MTX2: variants seen among roughly 807,000 people sequenced by gnomAD.
MTX2 encodes metaxin 2.
A neutral mutation model predicts 42.3 loss-of-function variants in MTX2; 35 were observed. The observed-to-expected ratio is 0.83, with a 90% CI of 0.63 to 1.10. MTX2 has a LOEUF of 1.10. MTX2 is among the 50% of genes least tolerant of loss of function. The pLI, the probability that MTX2 is intolerant of heterozygous loss-of-function variation, is 0.00. For missense variants in MTX2, 307 were observed against 304.1 expected (o/e 1.01, Z -0.07); for synonymous variants, 119 against 100.9 (o/e 1.18, Z -1.08).
intron 4 of MTX2, among the ~76,000 whole-genome samples, chr2:176,326,621 T>G (rs962005912): frequency 6.6e-6 from 1 of 151,596 alleles, no homozygotes; most frequent in Admixed American, 6.6e-5. Flanking sequence ...TGAATTTACC[T>G]GTTCTTTTTT....
At chr2:176,298,041 A>G in intron 3 of MTX2, 146 bp downstream of exon 3, 1 of 437,144 alleles carries the variant, frequency 2.3e-6, no homozygotes, top group Non-Finnish European at 4.1e-6. Context: ...TCTATATAAC[A>G]TTGCTTCTTT....
At position 176,296,828 on chromosome 2, in the gene MTX2, TG is replaced by T. The variant is rs766413567; in HGVS notation, c.41-31del. 3.1e-6 allele frequency: 5 copies of T among 1,610,324 alleles called. 1 individual carries two copies. The Admixed American group carries it at 5.0e-5, about 16-fold the overall frequency. On this transcript the variant is annotated intron_variant, in intron 1 of 9. Coordinates refer to ENST00000249442, the MANE Select transcript of MTX2 (RefSeq NM_006554.5). The stretch of plus-strand genomic sequence containing the variant: ...TTGTTATTGATATGTTTTTGCTTTA[TG>T]TGCCTAATTATCACTGCCTTGTTTC...
chr2:176,325,266 A>G (rs1192512033), intron 4 of MTX2, among the ~76,000 whole-genome samples: 3 of 151,760 alleles, frequency 2.0e-5, no homozygotes, highest in African/African-American at 7.2e-5. Flanking sequence ...CAAAGCCCTC[A>G]GTTTTCTTAT....
At chr2:176,317,476 A>G (rs2105434385) in intron 3 of MTX2, among the ~76,000 whole-genome samples, 1 of 152,264 alleles carries the variant, frequency 6.6e-6, no homozygotes, top group Non-Finnish European at 1.5e-5. Flanking sequence ...TTCCTCAAGT[A>G]TCTATTGATC....
chr2:176,275,043 CGT>C (rs1388782249), intron 1 of MTX2, among the ~76,000 whole-genome samples: 1 of 152,116 alleles, frequency 6.6e-6, no homozygotes, highest in African/African-American at 2.4e-5. Context: ...AGCCATCACA[CGT>C]GTGTGTGATT....
intron 3 of MTX2, among the ~76,000 whole-genome samples, chr2:176,309,850 CTT>C (rs1374593051): frequency 1.3e-5 from 2 of 151,052 alleles, no homozygotes; most frequent in Non-Finnish European, 2.9e-5. Context: ...GGTCTTGACT[CTT>C]TATCCAATTT....
At chr2:176,315,532 C>G (rs770041289) in intron 3 of MTX2, among the ~76,000 whole-genome samples, 1 of 152,148 alleles carries the variant, frequency 6.6e-6, no homozygotes, top group South Asian at 2.1e-4. Context: ...GTTCTGCTCT[C>G]AACAGTCTAA....
chr2:176,321,581 A>G (rs563782738), intron 3 of MTX2, among the ~76,000 whole-genome samples: 1 of 152,250 alleles, frequency 6.6e-6, no homozygotes, highest in African/African-American at 2.4e-5. Context: ...TTGTTGCTCT[A>G]CCATTTCTAA....
chr2:176,269,928 T>C (rs1169605484), intron 1 of MTX2, among the ~76,000 whole-genome samples: 2 of 151,886 alleles, frequency 1.3e-5, no homozygotes, highest in African/African-American at 2.4e-5. Flanking sequence ...CCCCATTCAG[T>C]TGGGAGGTGC....
chr2:176,269,656 C>T lies in MTX2; in HGVS notation c.27C>T (p.Val9=), dbSNP rs759881189. 3.8e-6 allele frequency: 6 copies of T among 1,598,254 alleles called. No homozygotes were observed. The part of the protein sequence containing the change: MSLVAEAF[V]SQIAAAEPWP... ...TGTCTCTAGTGGCGGAAGCCTTCGT[C>T]TCCCAGATTGCAGGTAGCGCGGCTG... The change falls in exon 1 of 10, where the codon GTC becomes GTT. Residue 9 remains valine, a synonymous_variant. Coordinates refer to ENST00000249442, the MANE Select transcript of MTX2 (RefSeq NM_006554.5).
rs1329830948 is a variant in MTX2 at position 176,274,626 on chromosome 2, G to GT, written c.40+4958dup. On this transcript the variant is annotated intron_variant, in intron 1 of 9. Transcript: ENST00000249442. Reference sequence around the variant, plus strand: ...GGCTCTTAATGTGGAGGCTGGCAAAGTAAGTGCAAAGCATGCAAGGCGGGC... The same window carrying GT: ...GGCTCTTAATGTGGAGGCTGGCAAAGTTAAGTGCAAAGCATGCAAGGCGGGC... Among the ~76,000 whole-genome samples, 38 of 152,162 alleles carry GT rather than the reference G, an allele frequency of 2.5e-4. 1 individual carries two copies. Among genetic ancestry groups the GT allele is most frequent in the Admixed American group, 2.5e-3 (38 of 15,284 alleles).
At chr2:176,331,013 A>G (rs1684850379) in intron 9 of MTX2, among the ~76,000 whole-genome samples, 1 of 151,102 alleles carries the variant, frequency 6.6e-6, no homozygotes, top group Admixed American at 6.6e-5. Flanking sequence ...GTTACTATTA[A>G]TGTAACTATG....
chr2:176,290,677 C>G (rs960923370), intron 1 of MTX2, among the ~76,000 whole-genome samples: 6 of 151,460 alleles, frequency 4.0e-5, no homozygotes, highest in African/African-American at 9.7e-5. Flanking sequence ...AGAATGATAC[C>G]TACATGGTTG....
intron 9 of MTX2, among the ~76,000 whole-genome samples, chr2:176,333,491 C>T (rs1377897186): frequency 1.3e-5 from 2 of 151,588 alleles, no homozygotes; most frequent in African/African-American, 4.8e-5. Context: ...GTGTAACTGT[C>T]ACCTATCAAC....
At chr2:176,325,276 T>C (rs954355313) in intron 4 of MTX2, among the ~76,000 whole-genome samples, 5 of 151,914 alleles carry the variant, frequency 3.3e-5, no homozygotes, top group Admixed American at 2.6e-4. Context: ...AGTTTTCTTA[T>C]ATGACCTTTG....
At chr2:176,326,600 A>G (rs1684712683) in intron 4 of MTX2, among the ~76,000 whole-genome samples, 1 of 151,542 alleles carries the variant, frequency 6.6e-6, no homozygotes, top group African/African-American at 2.4e-5. Context: ...TCTAAGTGAG[A>G]ACTCTAGAAA....
intron 1 of MTX2, among the ~76,000 whole-genome samples, chr2:176,281,750 G>A (rs536922580): frequency 6.6e-6 from 1 of 152,244 alleles, no homozygotes; most frequent in African/African-American, 2.4e-5. Flanking sequence ...TGACTGAATA[G>A]AGGTTCTAAA....
Position 176,337,533 on chromosome 2 carries a change from AC to A in MTX2, c.663del (p.Ile222PhefsTer6). 1 of 1,612,836 alleles carries A rather than the reference AC, an allele frequency of 6.2e-7. No individual in the cohort carries two copies. The highest frequency in any genetic ancestry group is 2.2e-5 in the East Asian group (1 of 44,832). The stretch of plus-strand genomic sequence containing the variant: ...CGCACTGGTATTTGGCCATCTATAC[AC>A]CATTCTTACCACACAATTGACAAAT... ...LDALVFGHLY[T>X]ILTTQLTNDE... On this transcript the variant is annotated frameshift_variant, in exon 10 of 10. Coordinates refer to ENST00000249442, the MANE Select transcript of MTX2 (RefSeq NM_006554.5). LOFTEE classifies it high-confidence loss of function.
In MTX2 at chr2:176,323,225, G is replaced by C. The variant is rs113319906; in HGVS notation, c.136-167G>C. Among the ~76,000 whole-genome samples, 479 of 151,888 alleles carry C rather than the reference G, an allele frequency of 3.2e-3. 2 individuals are homozygous for C. The highest frequency in any genetic ancestry group is 0.011 in the African/African-American group (450 of 41,504). On this transcript the variant is annotated intron_variant, in intron 3 of 9. Coordinates refer to ENST00000249442, the MANE Select transcript of MTX2 (RefSeq NM_006554.5). ...CATACTGATTTTTAAGTAGTGACAT[G>C]ACATTTTTGTTTGGAAAACAAATCC...
Sources: gnomAD v4.1 joint callset for allele counts (sites outside exome capture counted in the v4.1 genomes callset) on GRCh38, gnomAD v4.1.1 for gene constraint, MANE v1.5 for transcripts, NCBI Gene and HGNC (gene_info 2026-07-23, HGNC 2026-07-21) for gene names.